Variants in SLC17A5 observed in about 807,000 individuals in gnomAD.
SLC17A5 encodes sialin.
In SLC17A5, 47 loss-of-function variants were observed where a neutral mutation model predicts 59.4. The observed-to-expected ratio is 0.79, with a 90% CI of 0.63 to 1.01. The LOEUF is 1.01. Among genes scored for constraint, SLC17A5 ranks in the 50% least tolerant of loss-of-function variants. The probability of loss-of-function intolerance (pLI) is 0.00; values close to 1 mark genes in which losing one functional copy is unlikely to be tolerated. For missense variants in SLC17A5, 522 were observed against 595.5 expected (o/e 0.88, Z 1.28); for synonymous variants, 202 against 210.7 (o/e 0.96, Z 0.36).
intron 9 of SLC17A5, among the ~76,000 whole-genome samples, chr6:73,601,636 TG>T (rs1187994559): frequency 0.041 from 1,400 of 33,796 alleles, 40 homozygotes; most frequent in Non-Finnish European, 0.054. Context: ...GGGAGGGAGG[TG>T]GGGGGGGGTC....
chr6:73,643,951 C>T (rs1769420824), intron 2 of SLC17A5, among the ~76,000 whole-genome samples: 1 of 152,108 alleles, frequency 6.6e-6, no homozygotes, highest in Admixed American at 6.5e-5. Flanking sequence ...TTAGGTTGGG[C>T]ATGTGTACAT....
rs1772993961 is a variant in SLC17A5 at position 73,638,453 on chromosome 6, G to T, written c.572C>A (p.Pro191His). The T allele has an allele frequency of 6.2e-7, 1 of 1,613,890 alleles. No individual in the cohort carries two copies. The highest frequency in any genetic ancestry group is 1.3e-5 in the African/African-American group (1 of 74,900). Reference sequence around the variant, plus strand: ...AAGAAGTTTGCTTCTTTCAAGAGGGGGAGCCCAAGAAGACCACATGGCATG... The same window carrying T: ...AAGAAGTTTGCTTCTTTCAAGAGGGTGAGCCCAAGAAGACCACATGGCATG... ...AMHAMWSSWA[P>H]PLERSKLLSI... The change falls in exon 4 of 11, where the codon CCC becomes CAC. Residue 191 changes from proline (P) to histidine (H), a missense_variant. Around this residue, in one of 3 missense-constraint regions of SLC17A5, gnomAD observed 338 missense variants for 363.8 expected, o/e 0.93. Transcript: ENST00000355773.
At chr6:73,610,897 T>C (rs944281232) in intron 8 of SLC17A5, among the ~76,000 whole-genome samples, 5 of 152,172 alleles carry the variant, frequency 3.3e-5, no homozygotes, top group African/African-American at 1.2e-4. Context: ...AAAATACATA[T>C]AACCAAAGGA....
In SLC17A5 at chr6:73,594,728, G is replaced by T; in HGVS notation, c.*349C>A. Reference sequence around the variant, plus strand: ...ACAACAGGTGTTTATCAGTACCTGAGAATTATCATCTAGTTTAATTAAGCA... The same window carrying T: ...ACAACAGGTGTTTATCAGTACCTGATAATTATCATCTAGTTTAATTAAGCA... On this transcript the variant is annotated 3_prime_UTR_variant, in exon 11 of 11. Coordinates refer to ENST00000355773, the MANE Select transcript of SLC17A5 (RefSeq NM_012434.5). 3.3e-6 allele frequency: 1 copy of T among 303,996 alleles called. No individual in the cohort carries two copies. The highest frequency in any genetic ancestry group is 6.3e-6 in the Non-Finnish European group (1 of 158,930). The allele number at this position is 303,996 out of a possible 1,614,324, so 18.8% of individuals were successfully genotyped here. A position where few individuals can be genotyped will look rare whatever the true frequency, so the allele number is the denominator to read the frequency against.
In SLC17A5 at chr6:73,635,383, T is replaced by C. The variant is rs761959120; in HGVS notation, c.818A>G (p.Gln273Arg). ...TTTAAAATGTGTCAAAGTCCATACCTGATTTCTTAATGATGAAAGAATGTA... is the reference window on the plus strand; with the variant it reads ...TTTAAAATGTGTCAAAGTCCATACCCGATTTCTTAATGATGAAAGAATGTA... ...KEYILSSLRN[Q>R]LSSQKSVPWV... The change falls in exon 6 of 11, where the codon CAG becomes CGG. Residue 273 changes from glutamine to arginine, a missense_variant and splice_region_variant. Around this residue, in one of 3 missense-constraint regions of SLC17A5, gnomAD observed 338 missense variants for 363.8 expected, o/e 0.93. Transcript: ENST00000355773. The C allele has an allele frequency of 6.7e-6, 10 of 1,499,420 alleles. No individual in the cohort carries two copies. Among genetic ancestry groups the C allele is most frequent in the Non-Finnish European group, 9.3e-6 (10 of 1,078,734 alleles). 92.9% of individuals were successfully genotyped at this position (1,499,420 alleles called of 1,614,324 possible).
chr6:73,604,046 G>C (rs1767284806), intron 9 of SLC17A5, among the ~76,000 whole-genome samples: 1 of 152,014 alleles, frequency 6.6e-6, no homozygotes, highest in African/African-American at 2.4e-5. Flanking sequence ...CATACACACA[G>C]CACTATAACA....
chr6:73,599,603 A>G (rs1766965009), intron 10 of SLC17A5, among the ~76,000 whole-genome samples: 1 of 152,238 alleles, frequency 6.6e-6, no homozygotes, highest in Admixed American at 6.5e-5. Flanking sequence ...GGACATGTCC[A>G]TATTGAGACA....
intron 1 of SLC17A5, 96 bp from the exon 2 acceptor site, chr6:73,644,699 T>C: frequency 1.7e-6 from 2 of 1,202,332 alleles, no homozygotes; most frequent in Admixed American, 4.1e-5. Flanking sequence ...CTTGAACTCC[T>C]GGGCTCAAGC....
At chr6:73,652,685 G>A (rs1769924992) in intron 1 of SLC17A5, among the ~76,000 whole-genome samples, 1 of 152,146 alleles carries the variant, frequency 6.6e-6, no homozygotes, top group South Asian at 2.1e-4. Flanking sequence ...CGACTTCCAG[G>A]TAAAACGTAA....
chr6:73,618,675 T>G (rs1767989297), intron 7 of SLC17A5: 2 of 281,268 alleles, frequency 7.1e-6, no homozygotes, highest in South Asian at 7.7e-5. Flanking sequence ...AAATGAGAGA[T>G]ATGTGACTCT....
chr6:73,614,265 C>G (rs1332352954), intron 8 of SLC17A5, among the ~76,000 whole-genome samples: 4 of 151,586 alleles, frequency 2.6e-5, no homozygotes, highest in African/African-American at 9.7e-5. Flanking sequence ...GCCCCTGTCT[C>G]AAGAAAAAAA....
intron 6 of SLC17A5, among the ~76,000 whole-genome samples, chr6:73,633,565 A>T (rs942371028): frequency 6.6e-6 from 1 of 150,940 alleles, no homozygotes; most frequent in East Asian, 2.0e-4. Context: ...GCCTGGTTAT[A>T]TTGTATATAA....
intron 6 of SLC17A5, among the ~76,000 whole-genome samples, chr6:73,629,996 A>G (rs1395480939): frequency 7.0e-6 from 1 of 143,320 alleles, no homozygotes; most frequent in South Asian, 2.2e-4. Flanking sequence ...TTATTTCTCT[A>G]TTTTTTTTTT....
chr6:73,613,341 T>C (rs1219542129), intron 8 of SLC17A5, among the ~76,000 whole-genome samples: 3 of 151,578 alleles, frequency 2.0e-5, no homozygotes, highest in Non-Finnish European at 2.9e-5. Context: ...AAAATAATTA[T>C]AAGCCATGGT....
chr6:73,599,170 C>A (rs953608399), intron 10 of SLC17A5, among the ~76,000 whole-genome samples: 3 of 151,826 alleles, frequency 2.0e-5, no homozygotes, highest in Admixed American at 1.3e-4. Flanking sequence ...CAACGGAGTG[C>A]GAAACTTATT....
At chr6:73,613,041 CAA>C (rs59903043) in intron 8 of SLC17A5, among the ~76,000 whole-genome samples, 12 of 144,788 alleles carry the variant, frequency 8.3e-5, no homozygotes, top group African/African-American at 1.0e-4. Context: ...GACCCTGTCT[CAA>C]AAAAAAAAAA....
At chr6:73,596,652 C>A (rs1247857712) in intron 10 of SLC17A5, among the ~76,000 whole-genome samples, 4 of 150,592 alleles carry the variant, frequency 2.7e-5, no homozygotes, top group East Asian at 2.0e-4. Context: ...GTCAGGAGAT[C>A]GAGACCATCC....
intron 1 of SLC17A5, among the ~76,000 whole-genome samples, chr6:73,647,929 C>T (rs1769658511): frequency 1.3e-5 from 2 of 152,060 alleles, no homozygotes; most frequent in Admixed American, 6.6e-5. Flanking sequence ...ATTAGCCGGG[C>T]GTGGTGGCAG....
At chr6:73,606,980 G>C (rs1203037313) in intron 9 of SLC17A5, among the ~76,000 whole-genome samples, 1 of 152,088 alleles carries the variant, frequency 6.6e-6, no homozygotes, top group Middle Eastern at 3.2e-3. Context: ...TTGCCATTTT[G>C]GCTCTTAGTG....
Sources: gnomAD v4.1 joint callset for allele counts (sites outside exome capture counted in the v4.1 genomes callset) on GRCh38, gnomAD v4.1.1 for gene constraint, gnomAD v4.1.1 regional missense constraint, MANE v1.5 for transcripts, NCBI Gene and HGNC (gene_info 2026-07-23, HGNC 2026-07-21) for gene names.